Variants in RASGRF2 observed in about 807,000 individuals in gnomAD.
RASGRF2 encodes ras-specific guanine nucleotide-releasing factor 2.
Under a neutral mutation model 151.0 loss-of-function variants are expected in RASGRF2, and 76 were observed. That is an observed-to-expected ratio of 0.50 (90% CI 0.42 to 0.61). The LOEUF (loss-of-function observed/expected upper bound fraction) is 0.61. Among genes scored for constraint, RASGRF2 ranks in the 20% least tolerant of loss-of-function variants. RASGRF2 has a pLI of 0.00. For synonymous variants in RASGRF2, 504 were observed against 566.5 expected (o/e 0.89, Z 1.57); for missense variants, 1,148 against 1,564.6 (o/e 0.73, Z 4.49).
chr5:81,119,585 T>A (rs942243211), intron 15 of RASGRF2, among the ~76,000 whole-genome samples: 1 of 152,132 alleles, frequency 6.6e-6, no homozygotes, highest in Non-Finnish European at 1.5e-5. Context: ...ATCAAGCTCT[T>A]AGGGAAGGAC....
chr5:80,981,278 A>G (rs1454965442), intron 1 of RASGRF2, among the ~76,000 whole-genome samples: 1 of 152,112 alleles, frequency 6.6e-6, no homozygotes, highest in Admixed American at 6.6e-5. Context: ...TACCTCTACA[A>G]TTCCATAAAT....
chr5:81,014,887 G>A (rs1313935941), intron 1 of RASGRF2, among the ~76,000 whole-genome samples: 1 of 151,796 alleles, frequency 6.6e-6, no homozygotes, highest in African/African-American at 2.4e-5. Flanking sequence ...TATTTTATTG[G>A]TATAGATTCC....
intron 17 of RASGRF2, among the ~76,000 whole-genome samples, chr5:81,171,278 A>T (rs1270439448): frequency 3.3e-5 from 5 of 152,194 alleles, no homozygotes; most frequent in Non-Finnish European, 7.3e-5. Context: ...CTAGGTGTGT[A>T]TGTAGGATTT....
At chr5:81,204,378 G>C (rs565729970) in intron 19 of RASGRF2, 1 of 152,046 alleles carries the variant, frequency 6.6e-6, no homozygotes, top group Non-Finnish European at 1.5e-5. Context: ...CTGACATTTA[G>C]AGATTTATAT....
At chr5:81,175,784 A>T (rs1754762385) in intron 17 of RASGRF2, among the ~76,000 whole-genome samples, 1 of 152,038 alleles carries the variant, frequency 6.6e-6, no homozygotes, top group African/African-American at 2.4e-5. Context: ...AGGAAAAAGA[A>T]AAATATCTAC....
At chr5:81,201,282 C>T (rs1468344117) in intron 18 of RASGRF2, 48 bp from the exon 19 acceptor site, 1 of 1,584,292 alleles carries the variant, frequency 6.3e-7, no homozygotes, top group Admixed American at 1.8e-5. Context: ...TGTCATAGAG[C>T]TAACCCTTTC....
intron 1 of RASGRF2, among the ~76,000 whole-genome samples, chr5:81,000,344 C>A (rs570068798): frequency 3.9e-5 from 6 of 152,308 alleles, no homozygotes; most frequent in Admixed American, 1.3e-4. Flanking sequence ...TGGGTTCAAG[C>A]GATTCTTCTG....
chr5:81,132,213 T>G (rs1753640783), intron 17 of RASGRF2, among the ~76,000 whole-genome samples: 1 of 152,204 alleles, frequency 6.6e-6, no homozygotes, highest in South Asian at 2.1e-4. Context: ...ATATCTAGAA[T>G]AGTATTGTAT....
chr5:81,052,130 T>G (rs916010605), intron 2 of RASGRF2, among the ~76,000 whole-genome samples: 1 of 152,212 alleles, frequency 6.6e-6, no homozygotes, highest in Non-Finnish European at 1.5e-5. Flanking sequence ...AATACCTGCT[T>G]GTGCACATGG....
intron 1 of RASGRF2, among the ~76,000 whole-genome samples, chr5:81,021,372 TC>T (rs34717955): frequency 1 from 152,114 of 152,300 alleles, 75,970 homozygotes; most frequent in Non-Finnish European, 1. Flanking sequence ...TAAGACCTCC[TC>T]CCCCACTGAA....
chr5:81,202,937 C>T (rs763686876), intron 19 of RASGRF2, among the ~76,000 whole-genome samples: 6 of 152,238 alleles, frequency 3.9e-5, no homozygotes, highest in Non-Finnish European at 7.3e-5. Flanking sequence ...GATTACAGAC[C>T]TCTGTCTGGA....
chr5:81,089,459 G>A (rs568602271), intron 9 of RASGRF2, among the ~76,000 whole-genome samples: 1 of 152,272 alleles, frequency 6.6e-6, no homozygotes, highest in East Asian at 1.9e-4. Context: ...CAGAATAAAG[G>A]CATCAGCAAC....
intron 18 of RASGRF2, among the ~76,000 whole-genome samples, chr5:81,190,919 A>G (rs1053842785): frequency 1.1e-4 from 16 of 151,134 alleles, no homozygotes; most frequent in African/African-American, 3.9e-4. Context: ...CGTTGATGGA[A>G]TTTTATGTAC....
intron 18 of RASGRF2, among the ~76,000 whole-genome samples, chr5:81,193,620 C>T (rs369382697): frequency 2.0e-5 from 3 of 152,240 alleles, no homozygotes; most frequent in African/African-American, 4.8e-5. Context: ...AGTTCAAGTG[C>T]TTTTCCTGCC....
intron 17 of RASGRF2, among the ~76,000 whole-genome samples, chr5:81,174,269 A>G (rs918697841): frequency 1.3e-5 from 2 of 152,202 alleles, no homozygotes; most frequent in Non-Finnish European, 2.9e-5. Flanking sequence ...GTTTTTAGAT[A>G]TGTTTCTTAG....
intron 1 of RASGRF2, among the ~76,000 whole-genome samples, chr5:81,026,711 T>C (rs1447598444): frequency 6.6e-6 from 1 of 152,018 alleles, no homozygotes; most frequent in Non-Finnish European, 1.5e-5. Context: ...TTATGACTAA[T>C]GAAATGGTTT....
rs1756079871 is a variant in RASGRF2, at chr5:81,230,070, G to A, written c.*4300G>A. On this transcript the variant is annotated 3_prime_UTR_variant, in exon 27 of 27. Transcript: ENST00000265080. The stretch of plus-strand genomic sequence containing the variant: ...GCAAATTTGTGGACATTTGTGATTG[G>A]ACAGAGGGGTTTGTGCTGTGGCCTA... 6.6e-6 allele frequency: 1 copy of A among 152,216 alleles called. No individual in the cohort carries two copies. Among genetic ancestry groups the A allele is most frequent in the Non-Finnish European group, 1.5e-5 (1 of 68,046 alleles). The allele number at this position is 152,216 out of a possible 1,614,324, so 9.4% of individuals were successfully genotyped here.
At chr5:81,198,754 T>A (rs2112709581) in intron 18 of RASGRF2, among the ~76,000 whole-genome samples, 2 of 152,322 alleles carry the variant, frequency 1.3e-5, no homozygotes, top group South Asian at 4.1e-4. Flanking sequence ...TTTCGTTTTT[T>A]AAGGCTGCAT....
At chr5:81,036,012 T>A (rs1750478713) in intron 1 of RASGRF2, among the ~76,000 whole-genome samples, 1 of 152,266 alleles carries the variant, frequency 6.6e-6, no homozygotes, top group African/African-American at 2.4e-5. Flanking sequence ...CCTACTTATT[T>A]CAGAAGACAT....
Sources: allele counts gnomAD v4.1 joint callset (sites outside exome capture counted in the v4.1 genomes callset), GRCh38; gene constraint gnomAD v4.1.1; transcripts MANE v1.5; gene names NCBI Gene and HGNC (gene_info 2026-07-23, HGNC 2026-07-21).